The following TFDP2 variants were observed in gnomAD, a reference collection of about 807,000 sequenced individuals.
The protein encoded by TFDP2 is transcription factor Dp-2 (E2F dimerization partner 2).
In TFDP2, 17 loss-of-function variants were observed where a neutral mutation model predicts 59.3. The ratio of observed to expected loss-of-function variants is 0.29; its 90% confidence interval spans 0.20 to 0.43. TFDP2 has a LOEUF of 0.43. TFDP2 is among the 20% of genes least tolerant of loss of function. The pLI is 1.00. For missense variants in TFDP2, 391 were observed against 528.8 expected, an observed-to-expected ratio of 0.74 and a Z score of 2.56; for synonymous variants, 180 against 194.7, an observed-to-expected ratio of 0.92 and a Z score of 0.63.
chr3:141,970,008 ACT>A lies in TFDP2; in HGVS notation c.732+63_732+64del, dbSNP rs572122876. On this transcript the variant is annotated intron_variant, in intron 9 of 12. Transcript: ENST00000489671. ...CAGAGGCACCACAATTAGAAAACAC[ACT>A]GACTCCAAAAGGCAGCAAGTGGAGA... is the stretch of plus-strand genomic sequence containing the variant. 6.6e-5 allele frequency: 99 copies of A among 1,496,008 alleles called. No homozygotes were observed. In the African/African-American group the frequency reaches 1.2e-3, roughly 18 times the overall value. 92.7% of individuals were successfully genotyped at this position (1,496,008 alleles called of 1,614,324 possible).
At position 141,949,807 on chromosome 3, in the gene TFDP2, ATTTT is replaced by A. The variant is rs759658026; in HGVS notation, c.*2702_*2705del. On this transcript the variant is annotated 3_prime_UTR_variant, in exon 13 of 13. Coordinates refer to ENST00000489671, the MANE Select transcript of TFDP2 (RefSeq NM_001178139.2). ...CCTGGGCATTGTGACCACAACTTCC[ATTTT>A]TTTTTTTTTTTTTTTTGAGACAGGG... The A allele has an allele frequency of 8.2e-5, 8 of 98,010 alleles. No individual in the cohort carries two copies. The East Asian group carries it at 1.2e-3, about 15-fold the overall frequency. 6.1% of individuals were successfully genotyped at this position (98,010 alleles called of 1,614,324 possible). A position where few individuals can be genotyped will look rare whatever the true frequency, so the allele number is the denominator to read the frequency against.
At position 141,951,744 on chromosome 3, in the gene TFDP2, T is replaced by A. The variant is rs906596341; in HGVS notation, c.*769A>T. 3 of 152,656 alleles carry A rather than the reference T, an allele frequency of 2.0e-5. No homozygotes were observed. Among genetic ancestry groups the A allele is most frequent in the African/African-American group, 7.2e-5 (3 of 41,464 alleles). 9.5% of individuals were successfully genotyped at this position (152,656 alleles called of 1,614,324 possible). The stretch of plus-strand genomic sequence containing the variant: ...TCTTTGTAAAACTCCAGATTTAGGA[T>A]GCTGGCAAAGGCAGTGCTGGCAAAG... On this transcript the variant is annotated 3_prime_UTR_variant, in exon 13 of 13. Coordinates refer to ENST00000489671, the MANE Select transcript of TFDP2 (RefSeq NM_001178139.2).
chr3:142,130,386 A>T (rs1560175606), intron 1 of TFDP2, among the ~76,000 whole-genome samples: 1 of 152,120 alleles, frequency 6.6e-6, no homozygotes, highest in Admixed American at 6.5e-5. Context: ...TACCCAGAGT[A>T]ATCTAATTCA....
At chr3:141,998,019 C>T (rs928281946) in intron 4 of TFDP2, among the ~76,000 whole-genome samples, 1 of 151,938 alleles carries the variant, frequency 6.6e-6, no homozygotes, top group Non-Finnish European at 1.5e-5. Context: ...TGCGGCTGAT[C>T]GGAGAGTGAT....
intron 3 of TFDP2, among the ~76,000 whole-genome samples, chr3:142,013,895 T>C (rs1396031081): frequency 6.6e-6 from 1 of 152,148 alleles, no homozygotes; most frequent in Non-Finnish European, 1.5e-5. Context: ...GATGCTAATA[T>C]AACTTTTTTT....
intron 6 of TFDP2, 64 bp from the exon 7 acceptor site, chr3:141,978,746 T>C: frequency 8.3e-7 from 1 of 1,199,220 alleles, no homozygotes; most frequent in Non-Finnish European, 1.1e-6. Context: ...TACAAATCTC[T>C]GTAAGATAAT....
chr3:142,123,954 A>G (rs1371850976), intron 1 of TFDP2, among the ~76,000 whole-genome samples: 1 of 152,188 alleles, frequency 6.6e-6, no homozygotes, highest in Non-Finnish European at 1.5e-5. Context: ...AATCCCCCCA[A>G]ATTAGCAGCT....
intron 9 of TFDP2, among the ~76,000 whole-genome samples, chr3:141,968,487 CTCATATATAGAT>C (rs1434446980): frequency 7.8e-4 from 81 of 103,310 alleles, no homozygotes; most frequent in African/African-American, 3.3e-3. Context: ...ATATATATAT[CTCATATATAGAT>C]ATATATAACA....
At chr3:141,974,906 TC>T (rs1234606411) in intron 7 of TFDP2, among the ~76,000 whole-genome samples, 1 of 138,696 alleles carries the variant, frequency 7.2e-6, no homozygotes, top group Non-Finnish European at 1.6e-5. Context: ...TTCTTCTTCT[TC>T]TTTTTTTTTT....
At chr3:142,074,081 T>C (rs1319039729) in intron 3 of TFDP2, among the ~76,000 whole-genome samples, 2 of 152,172 alleles carry the variant, frequency 1.3e-5, no homozygotes, top group Non-Finnish European at 2.9e-5. Context: ...TACAGACATA[T>C]GGACAGACAC....
At chr3:142,091,689 A>T (rs2061001375) in intron 3 of TFDP2, among the ~76,000 whole-genome samples, 1 of 152,200 alleles carries the variant, frequency 6.6e-6, no homozygotes, top group African/African-American at 2.4e-5. Flanking sequence ...CGTGGAAGAC[A>T]ATTTTTCCAT....
At chr3:142,109,841 A>G (rs191730669) in intron 1 of TFDP2, among the ~76,000 whole-genome samples, 1 of 152,322 alleles carries the variant, frequency 6.6e-6, no homozygotes, top group East Asian at 1.9e-4. Flanking sequence ...TTGGCATTTT[A>G]CACGTTAAAC....
chr3:142,008,286 A>G (rs1944375357), intron 3 of TFDP2, among the ~76,000 whole-genome samples: 1 of 151,720 alleles, frequency 6.6e-6, no homozygotes. Context: ...TAGCCACTCC[A>G]TGCATCTATA....
intron 3 of TFDP2, chr3:142,054,086 A>G (rs1460512922): frequency 6.6e-6 from 1 of 152,232 alleles, no homozygotes; most frequent in Non-Finnish European, 1.5e-5. Context: ...ATGTTTGGTA[A>G]TTGCTTATAA....
At position 142,001,203 on chromosome 3, in the gene TFDP2, G is replaced by A. The variant is rs570669167; in HGVS notation, c.186+4238C>T. ...ATCTAGGTGGAAGTTATCATACCCC[G>A]CAGCTTGTACACTCTGCACCCACTG... On this transcript the variant is annotated intron_variant, in intron 4 of 12. Transcript: ENST00000489671. Among the ~76,000 whole-genome samples, 183 of 152,258 alleles carry A rather than the reference G, an allele frequency of 1.2e-3. 1 individual carries two copies. Among genetic ancestry groups the A allele is most frequent in the African/African-American group, 4.1e-3 (170 of 41,556 alleles).
chr3:141,985,968 C>T (rs73230678), intron 6 of TFDP2, among the ~76,000 whole-genome samples: 4,618 of 152,184 alleles, frequency 0.03, 67 homozygotes, highest in Non-Finnish European at 0.041. Context: ...TTAGCAAAAA[C>T]GTGGAGAAAC....
At chr3:142,098,050 C>G (rs959502150) in intron 2 of TFDP2, among the ~76,000 whole-genome samples, 5 of 152,112 alleles carry the variant, frequency 3.3e-5, no homozygotes, top group Non-Finnish European at 7.4e-5. Context: ...CTTGGCCTCC[C>G]AAAGTGCTCG....
At chr3:141,964,853 C>G (rs1937707033) in intron 9 of TFDP2, among the ~76,000 whole-genome samples, 1 of 152,134 alleles carries the variant, frequency 6.6e-6, no homozygotes, top group South Asian at 2.1e-4. Flanking sequence ...CAGACATTTC[C>G]AGATGAGGTA....
At chr3:142,080,491 C>T (rs765103715) in intron 3 of TFDP2, among the ~76,000 whole-genome samples, 6 of 151,986 alleles carry the variant, frequency 3.9e-5, no homozygotes, top group Non-Finnish European at 5.9e-5. Context: ...GGAGTAAGTC[C>T]GACTTATCAA....
Sources: gnomAD v4.1 joint callset for allele counts (sites outside exome capture counted in the v4.1 genomes callset) on GRCh38, gnomAD v4.1.1 for gene constraint, MANE v1.5 for transcripts, NCBI Gene and HGNC (gene_info 2026-07-23, HGNC 2026-07-21) for gene names.